TBC1D32: variants seen among roughly 807,000 people sequenced by gnomAD.
TBC1D32 encodes TBC1 domain family member 32.
A neutral mutation model predicts 170.3 loss-of-function variants in TBC1D32; 151 were observed. That is an observed-to-expected ratio of 0.89 (90% CI 0.78 to 1.01). The LOEUF (loss-of-function observed/expected upper bound fraction) is 1.01. Among genes scored for constraint, TBC1D32 ranks in the 50% least tolerant of loss-of-function variants. The probability of loss-of-function intolerance (pLI) is 0.00; values close to 1 mark genes in which losing one functional copy is unlikely to be tolerated. For missense variants in TBC1D32, 1,464 were observed against 1,457.1 expected, an observed-to-expected ratio of 1.00 and a Z score of -0.08; for synonymous variants, 498 against 488.0, an observed-to-expected ratio of 1.02 and a Z score of -0.27.
At chr6:121,179,010 A>T (rs1474388908) in intron 22 of TBC1D32, among the ~76,000 whole-genome samples, 1 of 152,168 alleles carries the variant, frequency 6.6e-6, no homozygotes, top group Non-Finnish European at 1.5e-5. Flanking sequence ...ACAAAAACTG[A>T]GATAGTAAAC....
chr6:121,126,280 A>G, intron 26 of TBC1D32, 98 bp downstream of exon 26: 1 of 827,894 alleles, frequency 1.2e-6, no homozygotes, highest in Non-Finnish European at 1.9e-6. Flanking sequence ...GATTGTTAGG[A>G]TGAGAAAACT....
At chr6:121,219,220 A>C (rs1794209553) in intron 21 of TBC1D32, among the ~76,000 whole-genome samples, 1 of 152,198 alleles carries the variant, frequency 6.6e-6, no homozygotes, top group South Asian at 2.1e-4. Context: ...GGAAGAAAGC[A>C]AACTACAGTG....
chr6:121,168,833 A>T (rs1354147052), intron 22 of TBC1D32, among the ~76,000 whole-genome samples: 1 of 152,070 alleles, frequency 6.6e-6, no homozygotes, highest in Non-Finnish European at 1.5e-5. Context: ...CACAAAAAGA[A>T]TAAAATACCT....
chr6:121,096,226 G>A (rs1777389890), intron 30 of TBC1D32: 1 of 152,182 alleles, frequency 6.6e-6, no homozygotes, highest in African/African-American at 2.4e-5. Context: ...GTGTAGAGGT[G>A]TTTATAATAT....
At position 121,176,924 on chromosome 6, in the gene TBC1D32, A is replaced by C. The variant is rs373140579; in HGVS notation, c.2571-15868T>G. On this transcript the variant is annotated intron_variant, in intron 22 of 31. Coordinates refer to ENST00000398212, the MANE Select transcript of TBC1D32 (RefSeq NM_152730.6). ...CCCAAGGTATAGTAACCTTTTAATCAAAACACGGCATCATAGGTGGAGACC... is the reference window on the plus strand; with the variant it reads ...CCCAAGGTATAGTAACCTTTTAATCCAAACACGGCATCATAGGTGGAGACC... Among the ~76,000 whole-genome samples, 9 of 152,254 alleles carry C rather than the reference A, an allele frequency of 5.9e-5. No individual in the cohort carries two copies. The East Asian group carries it at 9.7e-4, about 16-fold the overall frequency.
intron 17 of TBC1D32, among the ~76,000 whole-genome samples, chr6:121,249,877 AG>A (rs1464925074): frequency 6.6e-6 from 1 of 152,126 alleles, no homozygotes; most frequent in Non-Finnish European, 1.5e-5. Flanking sequence ...ATAGATGGGT[AG>A]AATCAATATT....
chr6:121,083,652 A>G (rs943111595), intron 31 of TBC1D32, among the ~76,000 whole-genome samples: 1 of 152,172 alleles, frequency 6.6e-6, no homozygotes, highest in African/African-American at 2.4e-5. Context: ...ATTGATTAAA[A>G]TATCAGACTA....
chr6:121,265,894 C>T (rs1324152605), intron 15 of TBC1D32, among the ~76,000 whole-genome samples: 1 of 152,028 alleles, frequency 6.6e-6, no homozygotes, highest in East Asian at 1.9e-4. Flanking sequence ...AAAATGGAAG[C>T]CTTCCTTACA....
At chr6:121,162,433 C>A (rs1785842700) in intron 22 of TBC1D32, among the ~76,000 whole-genome samples, 1 of 152,062 alleles carries the variant, frequency 6.6e-6, no homozygotes, top group Non-Finnish European at 1.5e-5. Context: ...ATGACAAACC[C>A]ACAGACAGTA....
chr6:121,096,806 G>A (rs905167696), intron 30 of TBC1D32, among the ~76,000 whole-genome samples: 1 of 152,040 alleles, frequency 6.6e-6, no homozygotes, highest in South Asian at 2.1e-4. Context: ...ATACTACAAG[G>A]CTACAGTAAC....
intron 15 of TBC1D32, among the ~76,000 whole-genome samples, chr6:121,275,385 A>G (rs1206913937): frequency 9.9e-5 from 15 of 152,220 alleles, no homozygotes; most frequent in Admixed American, 9.8e-4. Context: ...ACATAACTCA[A>G]TGAACAATAA....
intron 21 of TBC1D32, among the ~76,000 whole-genome samples, chr6:121,219,036 A>T (rs1794189429): frequency 6.6e-6 from 1 of 152,324 alleles, no homozygotes; most frequent in Non-Finnish European, 1.5e-5. Context: ...AAACTAATAC[A>T]GGGAGGTTCC....
chr6:121,135,277 T>G (rs1260910942), intron 24 of TBC1D32, among the ~76,000 whole-genome samples: 1 of 152,110 alleles, frequency 6.6e-6, no homozygotes, highest in East Asian at 1.9e-4. Flanking sequence ...GAATTCCATA[T>G]TTCCCAAAAT....
At chr6:121,176,785 G>A (rs570376088) in intron 22 of TBC1D32, among the ~76,000 whole-genome samples, 1 of 152,210 alleles carries the variant, frequency 6.6e-6, no homozygotes, top group South Asian at 2.1e-4. Flanking sequence ...TTTTAGTAGA[G>A]ATGGGGTTTC....
chr6:121,172,008 A>G (rs1787083430), intron 22 of TBC1D32, among the ~76,000 whole-genome samples: 1 of 152,158 alleles, frequency 6.6e-6, no homozygotes, highest in Non-Finnish European at 1.5e-5. Context: ...TTAACCACAA[A>G]ATAAACTGAA....
chr6:121,297,104 G>C (rs1805762867), intron 10 of TBC1D32, among the ~76,000 whole-genome samples: 1 of 152,054 alleles, frequency 6.6e-6, no homozygotes, highest in Non-Finnish European at 1.5e-5. Context: ...GGAAAGAAAA[G>C]GAATAATCTC....
chr6:121,131,509 A>G, intron 25 of TBC1D32, 118 bp downstream of exon 25: 1 of 1,073,942 alleles, frequency 9.3e-7, no homozygotes, highest in Middle Eastern at 2.9e-4. Context: ...AAATCAGCAA[A>G]CTTCTGGATT....
At chr6:121,261,992 C>A (rs113659437) in intron 15 of TBC1D32, among the ~76,000 whole-genome samples, 2,673 of 151,972 alleles carry the variant, frequency 0.018, 29 homozygotes, top group South Asian at 0.042. Context: ...GAATCATACA[C>A]AAGAATCAAT....
chr6:121,198,249 T>TACAC (rs1791071458), intron 22 of TBC1D32, among the ~76,000 whole-genome samples: 1 of 129,932 alleles, frequency 7.7e-6, no homozygotes. Context: ...ATATATATTA[T>TACAC]ATATATATAT....
Sources: gnomAD v4.1 joint callset for allele counts (sites outside exome capture counted in the v4.1 genomes callset) on GRCh38, gnomAD v4.1.1 for gene constraint, MANE v1.5 for transcripts, NCBI Gene and HGNC (gene_info 2026-07-23, HGNC 2026-07-21) for gene names.